Variants in MARCHF1 observed in about 807,000 individuals in gnomAD.
MARCHF1 encodes the protein membrane associated ring-CH-type finger 1, also known as E3 ubiquitin-protein ligase MARCHF1.
Under a neutral mutation model 54.2 loss-of-function variants are expected in MARCHF1, and 40 were observed. That is an observed-to-expected ratio of 0.74 (90% CI 0.57 to 0.96). The LOEUF is 0.96. Among genes scored for constraint, MARCHF1 ranks in the 40% least tolerant of loss-of-function variants. The pLI is 0.00. For synonymous variants in MARCHF1, 236 were observed against 236.3 expected (o/e 1.00, Z 0.01); for missense variants, 586 against 656.5 (o/e 0.89, Z 1.17).
chr4:164,200,392 GCT>G (rs1731420693), intron 1 of MARCHF1, among the ~76,000 whole-genome samples: 1 of 152,084 alleles, frequency 6.6e-6, no homozygotes, highest in African/African-American at 2.4e-5. Flanking sequence ...AATATATTGT[GCT>G]CTGAGTTATG....
intron 1 of MARCHF1, among the ~76,000 whole-genome samples, chr4:164,121,427 G>A (rs1045458496): frequency 6.6e-6 from 1 of 152,070 alleles, no homozygotes; most frequent in Non-Finnish European, 1.5e-5. Context: ...GGTGGAAGGG[G>A]AAGAAAACAC....
intron 3 of MARCHF1, among the ~76,000 whole-genome samples, chr4:163,941,037 C>A (rs929264672): frequency 6.6e-6 from 1 of 151,902 alleles, no homozygotes; most frequent in Non-Finnish European, 1.5e-5. Context: ...TAGCTAAAGA[C>A]AAAATAATAC....
chr4:164,122,537 C>T (rs545755442), intron 1 of MARCHF1, among the ~76,000 whole-genome samples: 4 of 152,134 alleles, frequency 2.6e-5, no homozygotes, highest in South Asian at 4.2e-4. Flanking sequence ...ATGTAAACAT[C>T]ATACCTGATA....
chr4:164,086,210 C>T (rs573619145), intron 2 of MARCHF1, among the ~76,000 whole-genome samples: 2 of 151,798 alleles, frequency 1.3e-5, no homozygotes, highest in South Asian at 4.2e-4. Flanking sequence ...CTTCAATATA[C>T]CTGAGTACAT....
chr4:164,159,197 A>C (rs1730163166), intron 1 of MARCHF1, among the ~76,000 whole-genome samples: 1 of 152,192 alleles, frequency 6.6e-6, no homozygotes, highest in African/African-American at 2.4e-5. Flanking sequence ...AATACTGCAC[A>C]TGCTGTTGAT....
intron 1 of MARCHF1, among the ~76,000 whole-genome samples, chr4:164,159,175 G>C (rs1433589455): frequency 2.0e-5 from 3 of 152,088 alleles, no homozygotes; most frequent in Admixed American, 6.6e-5. Context: ...ATGTTTTAAG[G>C]CTAATCTAAC....
At chr4:163,544,492 A>G (rs1738827202) in intron 9 of MARCHF1, among the ~76,000 whole-genome samples, 1 of 152,112 alleles carries the variant, frequency 6.6e-6, no homozygotes, top group South Asian at 2.1e-4. Flanking sequence ...CACAATTCCT[A>G]TCGTGGGTCC....
At chr4:164,269,799 T>C (rs973819459) in intron 1 of MARCHF1, among the ~76,000 whole-genome samples, 8 of 152,124 alleles carry the variant, frequency 5.3e-5, no homozygotes, top group Admixed American at 2.0e-4. Flanking sequence ...ATCGTACTGA[T>C]TCAAGGTGTG....
chr4:163,808,532 T>C (rs1748291182), intron 4 of MARCHF1, among the ~76,000 whole-genome samples: 1 of 152,114 alleles, frequency 6.6e-6, no homozygotes, highest in Non-Finnish European at 1.5e-5. Flanking sequence ...GAAATAGTAA[T>C]GTGAGGGGAA....
chr4:163,730,488 T>C (rs1252462198), intron 4 of MARCHF1, among the ~76,000 whole-genome samples: 2 of 152,136 alleles, frequency 1.3e-5, no homozygotes, highest in Admixed American at 6.5e-5. Flanking sequence ...AAAGCGGACA[T>C]GTGAATGTAA....
intron 1 of MARCHF1, among the ~76,000 whole-genome samples, chr4:164,128,561 C>T (rs1474801125): frequency 6.6e-6 from 1 of 151,802 alleles, no homozygotes; most frequent in African/African-American, 2.4e-5. Context: ...GTAACAATAC[C>T]TTGAGATACT....
rs112809300 is a variant in MARCHF1, at chr4:164,369,203, A to C, written c.-323+14667T>G. ...CGGCCAGACGCTTCCCACTGAAAGC[A>C]TTCCCTTTAGCTGGGCAACAATCCT... On this transcript the variant is annotated intron_variant, in intron 1 of 9. Coordinates refer to ENST00000514618, the MANE Select transcript of MARCHF1 (RefSeq NM_001394959.1). Among the ~76,000 whole-genome samples, 199 of 152,274 alleles carry C rather than the reference A, an allele frequency of 1.3e-3. 1 individual carries two copies. The highest frequency in any genetic ancestry group is 6.8e-3 in the Middle Eastern group (2 of 294).
intron 3 of MARCHF1, among the ~76,000 whole-genome samples, chr4:163,987,420 GC>G (rs1178247752): frequency 1.3e-5 from 2 of 152,194 alleles, no homozygotes; most frequent in South Asian, 2.1e-4. Context: ...GAAAGAGGCT[GC>G]AAATATATTT....
chr4:164,260,874 C>T (rs924858972), intron 1 of MARCHF1, among the ~76,000 whole-genome samples: 17 of 152,054 alleles, frequency 1.1e-4, no homozygotes, highest in African/African-American at 4.1e-4. Context: ...TAGAGCTATA[C>T]CAATAATACA....
intron 4 of MARCHF1, among the ~76,000 whole-genome samples, chr4:163,804,864 TAC>T (rs1748181526): frequency 6.6e-6 from 1 of 152,218 alleles, no homozygotes; most frequent in Admixed American, 6.5e-5. Context: ...CCACATGTAC[TAC>T]TCTCATTGTT....
intron 1 of MARCHF1, among the ~76,000 whole-genome samples, chr4:164,247,712 G>T (rs1442690656): frequency 1.3e-5 from 2 of 150,944 alleles, no homozygotes; most frequent in Non-Finnish European, 2.9e-5. Flanking sequence ...GGGCAGCAGA[G>T]ATATTATGTC....
intron 3 of MARCHF1, among the ~76,000 whole-genome samples, chr4:163,929,345 C>T (rs1216892533): frequency 6.6e-6 from 1 of 151,964 alleles, no homozygotes; most frequent in African/African-American, 2.4e-5. Flanking sequence ...AGGCAAAGCA[C>T]TTAAAGCAGT....
chr4:163,562,331 C>T (rs1739498507), intron 8 of MARCHF1, among the ~76,000 whole-genome samples: 1 of 151,548 alleles, frequency 6.6e-6, no homozygotes, highest in African/African-American at 2.4e-5. Flanking sequence ...CAAAACAAAA[C>T]CCAACACTCC....
intron 5 of MARCHF1, among the ~76,000 whole-genome samples, chr4:163,691,415 C>T (rs1379402907): frequency 6.6e-6 from 1 of 152,088 alleles, no homozygotes; most frequent in East Asian, 1.9e-4. Flanking sequence ...ATATGTCCCT[C>T]AAGTGATATA....
Sources: allele counts gnomAD v4.1 joint callset (sites outside exome capture counted in the v4.1 genomes callset), GRCh38; gene constraint gnomAD v4.1.1; transcripts MANE v1.5; gene names NCBI Gene and HGNC (gene_info 2026-07-23, HGNC 2026-07-21).